The following PIP4P2 variants were observed in gnomAD, a reference collection of about 807,000 sequenced individuals.
PIP4P2 encodes type 2 phosphatidylinositol 4,5-bisphosphate 4-phosphatase.
Under a neutral mutation model 33.3 loss-of-function variants are expected in PIP4P2, and 19 were observed. That is an observed-to-expected ratio of 0.57 (90% CI 0.40 to 0.84). PIP4P2 has a LOEUF of 0.84. Ranked by LOEUF, PIP4P2 falls within the 40% of genes least tolerant of loss-of-function variation. PIP4P2 has a pLI of 0.00. For synonymous variants in PIP4P2, 110 were observed against 111.9 expected (o/e 0.98, Z 0.11); for missense variants, 270 against 324.7 (o/e 0.83, Z 1.29).
At chr8:91,034,054 G>A (rs181827385) in intron 1 of PIP4P2, among the ~76,000 whole-genome samples, 63 of 151,566 alleles carry the variant, frequency 4.2e-4, no homozygotes, top group East Asian at 1.9e-4. Flanking sequence ...CAGGTCTCTC[G>A]GTGATTGCTA....
At position 90,994,149 on chromosome 8, in the gene PIP4P2, C is replaced by T. The variant is rs185406155; in HGVS notation, c.*1528G>A. Reference sequence around the variant, plus strand: ...AAAATAAAACCATTTGAAAATAGTACAAAAAACATAAATGAATATTATATA... The same window carrying T: ...AAAATAAAACCATTTGAAAATAGTATAAAAAACATAAATGAATATTATATA... On this transcript the variant is annotated 3_prime_UTR_variant, in exon 7 of 7. Transcript: ENST00000285419. 34 of 151,914 alleles carry T rather than the reference C, an allele frequency of 2.2e-4. No individual in the cohort carries two copies. Among genetic ancestry groups the T allele is most frequent in the South Asian group, 8.3e-4 (4 of 4,820 alleles). 9.4% of individuals were successfully genotyped at this position (151,914 alleles called of 1,614,324 possible). A position where few individuals can be genotyped will look rare whatever the true frequency, so the allele number is the denominator to read the frequency against.
intron 4 of PIP4P2, chr8:91,016,800 A>C (rs779550275): frequency 6.6e-6 from 1 of 152,198 alleles, no homozygotes; most frequent in Non-Finnish European, 1.5e-5. Flanking sequence ...CAGGAAGCCT[A>C]AATAAGAGAT....
chr8:91,011,153 C>T (rs778603816), intron 4 of PIP4P2, among the ~76,000 whole-genome samples: 20 of 151,848 alleles, frequency 1.3e-4, no homozygotes, highest in African/African-American at 1.9e-4. Flanking sequence ...ACCCATTTGT[C>T]CCTAGATACA....
intron 4 of PIP4P2, among the ~76,000 whole-genome samples, chr8:91,012,216 TG>T (rs1265076353): frequency 6.6e-6 from 1 of 152,068 alleles, no homozygotes; most frequent in Non-Finnish European, 1.5e-5. Context: ...GACTTCAGGT[TG>T]TTTTTTTCTG....
At chr8:91,018,721 A>G in intron 3 of PIP4P2, 1 of 578,682 alleles carries the variant, frequency 1.7e-6, no homozygotes, top group Non-Finnish European at 3.0e-6. Context: ...TAGAAACAAT[A>G]TATTATAGCA....
intron 1 of PIP4P2, among the ~76,000 whole-genome samples, chr8:91,035,929 T>G (rs1327682399): frequency 2.6e-5 from 4 of 151,992 alleles, no homozygotes; most frequent in Non-Finnish European, 5.9e-5. Context: ...GGAGGATTAG[T>G]TGGGCCTGAG....
intron 5 of PIP4P2, among the ~76,000 whole-genome samples, chr8:91,005,985 C>A (rs1811758017): frequency 6.6e-6 from 1 of 152,192 alleles, no homozygotes; most frequent in African/African-American, 2.4e-5. Context: ...GAAAATGCCC[C>A]TCAGTCTTTG....
intron 1 of PIP4P2, among the ~76,000 whole-genome samples, chr8:91,033,454 C>T (rs1456707975): frequency 6.6e-6 from 1 of 152,194 alleles, no homozygotes. Flanking sequence ...ACACCAACCA[C>T]ACCTCAGTGC....
At chr8:91,002,143 ATTC>A (rs1222793186) in intron 5 of PIP4P2, among the ~76,000 whole-genome samples, 1 of 152,046 alleles carries the variant, frequency 6.6e-6, no homozygotes, top group Non-Finnish European at 1.5e-5. Flanking sequence ...CTTCTCTCTC[ATTC>A]TTCCAAGGCT....
chr8:91,017,194 A>G (rs1384162062), intron 4 of PIP4P2, among the ~76,000 whole-genome samples: 2 of 152,148 alleles, frequency 1.3e-5, no homozygotes, highest in African/African-American at 4.8e-5. Flanking sequence ...AGCAATTTAA[A>G]CACATAGAAG....
Position 90,995,795 on chromosome 8 carries a change from C to T in PIP4P2, c.656G>A (p.Arg219Gln), listed in dbSNP as rs749313481. The T allele has an allele frequency of 5.0e-6, 8 of 1,606,908 alleles. No individual in the cohort carries two copies. Among genetic ancestry groups the T allele is most frequent in the Admixed American group, 3.4e-5 (2 of 58,416 alleles). The change falls in exon 7 of 7, where the codon CGA (arginine) becomes CAA (glutamine). Residue 219 changes from arginine (R) to glutamine (Q), a missense_variant. Physicochemically the swap from Arg to Gln is conservative, Grantham distance 43. Coordinates refer to ENST00000285419, the MANE Select transcript of PIP4P2 (RefSeq NM_018710.3). ...LTVGTPDFAR[R>Q]FRATYVSWAI... ...CCAAGAAACATAGGTTGCTCGAAATCGCCTTGCAAAATCTGGGGTGCCAAC... is the reference window on the plus strand; with the variant it reads ...CCAAGAAACATAGGTTGCTCGAAATTGCCTTGCAAAATCTGGGGTGCCAAC...
Position 91,040,418 on chromosome 8 carries a change from T to C in PIP4P2, c.106+226A>G, listed in dbSNP as rs56138088. ...ATCACCACCACCACCACCACCACCA[T>C]CACCACCACCACCACCACCACCATC... On this transcript the variant is annotated intron_variant, in intron 1 of 6. Transcript: ENST00000285419. Among the ~76,000 whole-genome samples, 127 of 131,508 alleles carry C rather than the reference T, an allele frequency of 9.7e-4. 1 individual carries two copies. Among genetic ancestry groups the C allele is most frequent in the Middle Eastern group, 3.8e-3 (1 of 264 alleles). 86.3% of individuals were successfully genotyped at this position (131,508 alleles called of 152,430 possible).
intron 2 of PIP4P2, 127 bp downstream of exon 2, chr8:91,021,129 G>A (rs927985427): frequency 4.5e-6 from 5 of 1,114,656 alleles, no homozygotes; most frequent in African/African-American, 3.2e-5. Context: ...AGAAAAGACA[G>A]GAAAAAAGAT....
intron 5 of PIP4P2, among the ~76,000 whole-genome samples, chr8:90,997,189 C>T (rs1811640366): frequency 6.6e-6 from 1 of 151,944 alleles, no homozygotes; most frequent in Non-Finnish European, 1.5e-5. Context: ...GAAAAAATTA[C>T]CTATAATCCC....
intron 4 of PIP4P2, among the ~76,000 whole-genome samples, chr8:91,014,923 C>T (rs1811893348): frequency 2.0e-5 from 3 of 151,896 alleles, no homozygotes; most frequent in Admixed American, 1.3e-4. Flanking sequence ...CAAATATAAC[C>T]CAATAAAGCT....
chr8:91,021,509 C>T (rs903186722), intron 1 of PIP4P2, 105 bp from the exon 2 acceptor site: 22 of 1,335,686 alleles, frequency 1.6e-5, no homozygotes, highest in South Asian at 9.7e-5. Context: ...GATTTTCCCA[C>T]GTTCTTTTAT....
At chr8:91,008,072 A>C (rs1307410627) in intron 5 of PIP4P2, among the ~76,000 whole-genome samples, 1 of 152,108 alleles carries the variant, frequency 6.6e-6, no homozygotes, top group Non-Finnish European at 1.5e-5. Context: ...TCTGCTTTGC[A>C]TACTTTTGCT....
At chr8:91,004,263 A>C (rs1811739965) in intron 5 of PIP4P2, among the ~76,000 whole-genome samples, 1 of 151,988 alleles carries the variant, frequency 6.6e-6, no homozygotes, top group African/African-American at 2.4e-5. Context: ...TCTGATGTTC[A>C]AGGGCAGGAA....
Position 91,011,084 on chromosome 8 carries a change from C to T in PIP4P2, c.487-2289G>A, listed in dbSNP as rs1293156026. On this transcript the variant is annotated intron_variant, in intron 4 of 6. Coordinates refer to ENST00000285419, the MANE Select transcript of PIP4P2 (RefSeq NM_018710.3). ...TAGATAGACAGATAGATACAATAGG[C>T]AACTGGTAACACTTTGAAATATGTT... 2.0e-5 allele frequency among the ~76,000 whole-genome samples: 3 copies of T among 149,136 alleles called. No homozygotes were observed. In the East Asian group the frequency reaches 5.9e-4, roughly 29 times the overall value.
Sources: allele counts gnomAD v4.1 joint callset (sites outside exome capture counted in the v4.1 genomes callset), GRCh38; gene constraint gnomAD v4.1.1; transcripts MANE v1.5; gene names NCBI Gene and HGNC (gene_info 2026-07-23, HGNC 2026-07-21).